ROBO1: variants seen among roughly 807,000 people sequenced by gnomAD.
The protein encoded by ROBO1 is roundabout guidance receptor 1, also known as roundabout homolog 1.
ROBO1 carries 149 observed loss-of-function variants against 195.9 expected under a neutral mutation model. The ratio of observed to expected loss-of-function variants is 0.76; its 90% CI spans 0.67 to 0.87. ROBO1 has a LOEUF of 0.87. Among genes scored for constraint, ROBO1 ranks in the 40% least tolerant of loss-of-function variants. The pLI is 0.00. For synonymous variants in ROBO1, 816 were observed against 733.2 expected (o/e 1.11, Z -1.82); for missense variants, 1,933 against 2,068.3 (o/e 0.93, Z 1.27).
intron 2 of ROBO1, among the ~76,000 whole-genome samples, chr3:79,379,973 C>T (rs2036515530): frequency 6.6e-6 from 1 of 152,216 alleles, no homozygotes; most frequent in African/African-American, 2.4e-5. Flanking sequence ...TCCTTTACTA[C>T]AACAGAAATT....
chr3:79,526,233 G>A (rs750656222), intron 2 of ROBO1, among the ~76,000 whole-genome samples: 9 of 152,242 alleles, frequency 5.9e-5, no homozygotes, highest in East Asian at 1.9e-4. Flanking sequence ...CATTTTGCTC[G>A]TATATGTGTT....
chr3:79,203,339 A>G (rs1246290101), intron 2 of ROBO1, among the ~76,000 whole-genome samples: 2 of 152,224 alleles, frequency 1.3e-5, no homozygotes, highest in Non-Finnish European at 2.9e-5. Context: ...ACAAAAGGCA[A>G]CAGCCCTGAA....
intron 4 of ROBO1, among the ~76,000 whole-genome samples, chr3:78,887,627 G>A (rs1559965506): frequency 6.6e-6 from 1 of 152,160 alleles, no homozygotes. Flanking sequence ...GAGGAGAGGA[G>A]TGAAGAGTTG....
At chr3:78,960,141 C>A (rs2041262025) in intron 3 of ROBO1, among the ~76,000 whole-genome samples, 1 of 152,016 alleles carries the variant, frequency 6.6e-6, no homozygotes, top group African/African-American at 2.4e-5. Context: ...TTAGCCCCTG[C>A]ACTCCAGCAT....
chr3:79,134,247 C>G (rs1179869592), intron 2 of ROBO1, among the ~76,000 whole-genome samples: 1 of 133,010 alleles, frequency 7.5e-6, no homozygotes, highest in Non-Finnish European at 1.6e-5. Context: ...AGACACTTCT[C>G]AAAAGAAGAC....
intron 2 of ROBO1, among the ~76,000 whole-genome samples, chr3:79,490,649 G>C (rs1169797209): frequency 6.6e-6 from 1 of 152,172 alleles, no homozygotes. Flanking sequence ...GTGTTGCTTG[G>C]CAGGCCTCCC....
rs569460232 is a variant in ROBO1 at position 79,674,740 on chromosome 3, G to T, written c.-50-84779C>A. The stretch of plus-strand genomic sequence containing the variant: ...TATTTATGCAAGGATTTATGAAAGA[G>T]AAACTTTTGCATTTCATTCTGAAAT... On this transcript the variant is annotated intron_variant, in intron 1 of 30. Coordinates refer to ENST00000464233, the MANE Select transcript of ROBO1 (RefSeq NM_002941.4). 3.3e-5 allele frequency among the ~76,000 whole-genome samples: 5 copies of T among 151,824 alleles called. No homozygotes were observed. In the East Asian group the frequency reaches 5.8e-4, roughly 18 times the overall value.
chr3:79,480,492 G>T (rs925569624), intron 2 of ROBO1, among the ~76,000 whole-genome samples: 5 of 152,010 alleles, frequency 3.3e-5, no homozygotes, highest in Non-Finnish European at 5.9e-5. Flanking sequence ...CTGCTAGATG[G>T]GCTAGGTAAA....
At chr3:79,553,807 G>C (rs1942606622) in intron 2 of ROBO1, among the ~76,000 whole-genome samples, 1 of 152,170 alleles carries the variant, frequency 6.6e-6, no homozygotes, top group South Asian at 2.1e-4. Context: ...CAGAAACCAA[G>C]AGATCTGTCT....
rs1366702464 is a variant in ROBO1, at chr3:78,976,617, A to T, written c.173-37690T>A. 3.9e-5 allele frequency among the ~76,000 whole-genome samples: 6 copies of T among 152,202 alleles called. 1 individual carries two copies. Among genetic ancestry groups the T allele is most frequent in the Admixed American group, 2.6e-4 (4 of 15,274 alleles). On this transcript the variant is annotated intron_variant, in intron 3 of 30. Coordinates refer to ENST00000464233, the MANE Select transcript of ROBO1 (RefSeq NM_002941.4). ...TCTTGGCCCTTTTCTGTCTCTCTACAGCAGCATTTGCCCAATTTTAGTTCT... is the reference window on the plus strand; with the variant it reads ...TCTTGGCCCTTTTCTGTCTCTCTACTGCAGCATTTGCCCAATTTTAGTTCT...
In ROBO1 at chr3:79,040,696, C is replaced by A. The variant is rs2078471305; in HGVS notation, c.172+84760G>T. On this transcript the variant is annotated intron_variant, in intron 3 of 30. Coordinates refer to ENST00000464233, the MANE Select transcript of ROBO1 (RefSeq NM_002941.4). ...GTTACTCTATACCCCTTGTTGTAGA[C>A]ACAAAACACCCTAAAACTACACTAG... Among the ~76,000 whole-genome samples, 3 of 152,242 alleles carry A rather than the reference C, an allele frequency of 2.0e-5. No individual in the cohort carries two copies. In the South Asian group the frequency reaches 6.2e-4, roughly 32 times the overall value.
chr3:79,737,956 G>A (rs532212868), intron 1 of ROBO1, among the ~76,000 whole-genome samples: 3 of 151,784 alleles, frequency 2.0e-5, no homozygotes, highest in Admixed American at 2.0e-4. Flanking sequence ...CCATACTCCC[G>A]CTGGAAACCA....
intron 2 of ROBO1, among the ~76,000 whole-genome samples, chr3:79,514,464 A>AT (rs1940857272): frequency 6.6e-6 from 1 of 151,772 alleles, no homozygotes; most frequent in Non-Finnish European, 1.5e-5. Flanking sequence ...GGTCAATATC[A>AT]TTTTTTTTCT....
intron 2 of ROBO1, among the ~76,000 whole-genome samples, chr3:79,364,595 C>T (rs1559847408): frequency 2.0e-5 from 3 of 151,982 alleles, no homozygotes; most frequent in Admixed American, 6.6e-5. Context: ...ACAAATCAGG[C>T]CTTAATCCAT....
chr3:78,624,891 G>A (rs1395317346), intron 26 of ROBO1, among the ~76,000 whole-genome samples: 1 of 152,084 alleles, frequency 6.6e-6, no homozygotes, highest in Non-Finnish European at 1.5e-5. Flanking sequence ...AATCAGAAAA[G>A]AGCATGTAGA....
At chr3:79,541,042 C>A (rs990855122) in intron 2 of ROBO1, among the ~76,000 whole-genome samples, 2 of 151,806 alleles carry the variant, frequency 1.3e-5, no homozygotes, top group Admixed American at 1.3e-4. Flanking sequence ...TATTTTTAAC[C>A]TCAATATCCT....
At chr3:79,766,157 C>T (rs1330290532) in intron 1 of ROBO1, among the ~76,000 whole-genome samples, 4 of 152,056 alleles carry the variant, frequency 2.6e-5, no homozygotes, top group African/African-American at 4.8e-5. Flanking sequence ...CCTTTAGTGC[C>T]GCAGACAGGC....
chr3:79,418,098 A>T (rs2038079434), intron 2 of ROBO1, among the ~76,000 whole-genome samples: 1 of 152,160 alleles, frequency 6.6e-6, no homozygotes, highest in Non-Finnish European at 1.5e-5. Flanking sequence ...TAGAATGAAC[A>T]TCAGCATGGT....
At chr3:79,545,559 A>G (rs989543888) in intron 2 of ROBO1, among the ~76,000 whole-genome samples, 46 of 152,218 alleles carry the variant, frequency 3.0e-4, no homozygotes, top group Non-Finnish European at 5.9e-4. Context: ...ATCTTGGGAA[A>G]TAACCCTAAT....
Sources: allele counts gnomAD v4.1 joint callset (sites outside exome capture counted in the v4.1 genomes callset), GRCh38; gene constraint gnomAD v4.1.1; transcripts MANE v1.5; gene names NCBI Gene and HGNC (gene_info 2026-07-23, HGNC 2026-07-21).